Variants in UST observed in about 807,000 individuals in gnomAD.
UST encodes the protein chondroitin sulfate 2-O-sulfotransferase.
Under a neutral mutation model 45.6 loss-of-function variants are expected in UST, and 21 were observed. The ratio of observed to expected loss-of-function variants is 0.46; its 90% CI spans 0.33 to 0.66. The LOEUF is 0.66. UST is among the 30% of genes least tolerant of loss of function. The pLI is 0.02. For synonymous variants in UST, 215 were observed against 200.6 expected, an observed-to-expected ratio of 1.07 and a Z score of -0.61; for missense variants, 463 against 512.4, an observed-to-expected ratio of 0.90 and a Z score of 0.93.
At chr6:148,753,884 T>C (rs895992363) in intron 1 of UST, among the ~76,000 whole-genome samples, 3 of 152,194 alleles carry the variant, frequency 2.0e-5, no homozygotes, top group African/African-American at 7.2e-5. Flanking sequence ...GGGTATGAAG[T>C]GGTATATTCA....
intron 1 of UST, among the ~76,000 whole-genome samples, chr6:148,856,261 C>A (rs1199787605): frequency 6.6e-6 from 1 of 152,112 alleles, no homozygotes; most frequent in East Asian, 1.9e-4. Context: ...CGTGATCCAC[C>A]TGCCTCGGCC....
At chr6:149,021,889 G>C (rs1775987142) in intron 7 of UST, among the ~76,000 whole-genome samples, 2 of 152,230 alleles carry the variant, frequency 1.3e-5, no homozygotes, top group Admixed American at 1.3e-4. Context: ...ACATGCGTGA[G>C]TATGAAAGAG....
chr6:148,854,347 A>G (rs1778162232), intron 1 of UST, among the ~76,000 whole-genome samples: 1 of 152,192 alleles, frequency 6.6e-6, no homozygotes, highest in African/African-American at 2.4e-5. Context: ...TGCCCAATCT[A>G]TTTCAAGATG....
chr6:148,965,876 CTTT>C (rs56202168), intron 5 of UST, among the ~76,000 whole-genome samples: 3,076 of 126,244 alleles, frequency 0.024, 47 homozygotes, highest in African/African-American at 0.086. Context: ...TGGCTTTTCC[CTTT>C]TTTTTTTTTT....
chr6:148,776,019 A>AT, intron 1 of UST, among the ~76,000 whole-genome samples: 1 of 152,180 alleles, frequency 6.6e-6, no homozygotes, highest in South Asian at 2.1e-4. Flanking sequence ...ACTTGGAGGA[A>AT]TTATGAGCTG....
At chr6:148,947,903 C>T (rs1194390182) in intron 3 of UST, among the ~76,000 whole-genome samples, 13 of 146,626 alleles carry the variant, frequency 8.9e-5, no homozygotes, top group Admixed American at 4.2e-4. Context: ...AAACTGAGTC[C>T]GCTAATAGAA....
intron 1 of UST, among the ~76,000 whole-genome samples, chr6:148,875,252 G>A (rs1485543549): frequency 6.6e-6 from 1 of 152,168 alleles, no homozygotes; most frequent in Non-Finnish European, 1.5e-5. Flanking sequence ...AAATAGATCT[G>A]CTAATGCAAG....
chr6:149,043,281 GT>G (rs1776354157), intron 7 of UST, among the ~76,000 whole-genome samples: 1 of 150,678 alleles, frequency 6.6e-6, no homozygotes, highest in Admixed American at 6.6e-5. Context: ...CACTTATTTT[GT>G]TTATTTTTTA....
chr6:148,756,926 G>C (rs953297006), intron 1 of UST, among the ~76,000 whole-genome samples: 1 of 152,238 alleles, frequency 6.6e-6, no homozygotes, highest in Non-Finnish European at 1.5e-5. Flanking sequence ...CTCTAGCTCA[G>C]TTGATGCCTT....
chr6:148,843,616 GAAGT>G (rs1238423175), intron 1 of UST, among the ~76,000 whole-genome samples: 1 of 152,208 alleles, frequency 6.6e-6, no homozygotes, highest in Non-Finnish European at 1.5e-5. Context: ...TCTAAGAGGT[GAAGT>G]AATTTGCAGA....
intron 1 of UST, among the ~76,000 whole-genome samples, chr6:148,800,155 A>G (rs1777029800): frequency 6.6e-6 from 1 of 152,196 alleles, no homozygotes; most frequent in Non-Finnish European, 1.5e-5. Context: ...CATCAGAAAA[A>G]CATGGATAAG....
chr6:148,878,319 CGGGGATCGTGTATGAGTGGG>C (rs1778746171), intron 1 of UST, among the ~76,000 whole-genome samples: 2 of 15,104 alleles, frequency 1.3e-4, no homozygotes, highest in African/African-American at 6.2e-4. Flanking sequence ...TGTATGAGTG[CGGGGATCGTGTATGAGTGGG>C]GGGGATCGTG....
intron 1 of UST, among the ~76,000 whole-genome samples, chr6:148,844,517 G>C (rs1777948093): frequency 6.6e-6 from 1 of 152,188 alleles, no homozygotes; most frequent in South Asian, 2.1e-4. Context: ...TCAAGATGTA[G>C]AACATGTCCA....
At chr6:148,786,116 G>A (rs1463369809) in intron 1 of UST, among the ~76,000 whole-genome samples, 4 of 151,160 alleles carry the variant, frequency 2.6e-5, no homozygotes, top group African/African-American at 9.7e-5. Flanking sequence ...CTAACAGGAT[G>A]TATATGATTC....
At chr6:149,073,216 G>A in intron 7 of UST, among the ~76,000 whole-genome samples, 1 of 152,210 alleles carries the variant, frequency 6.6e-6, no homozygotes, top group Non-Finnish European at 1.5e-5. Flanking sequence ...TGCCAAGGCA[G>A]AAGGATCTCT....
At chr6:148,766,566 A>C (rs1776328138) in intron 1 of UST, among the ~76,000 whole-genome samples, 1 of 152,208 alleles carries the variant, frequency 6.6e-6, no homozygotes, top group Non-Finnish European at 1.5e-5. Context: ...GAAGGACTTA[A>C]GATCCCGTAT....
chr6:148,932,604 G>C (rs1481705777), intron 2 of UST, among the ~76,000 whole-genome samples: 2 of 152,178 alleles, frequency 1.3e-5, no homozygotes, highest in Non-Finnish European at 2.9e-5. Flanking sequence ...AGTGTCACCT[G>C]AAATTTGAGT....
chr6:149,045,359 T>C (rs1776382532), intron 7 of UST, among the ~76,000 whole-genome samples: 1 of 152,156 alleles, frequency 6.6e-6, no homozygotes, highest in African/African-American at 2.4e-5. Flanking sequence ...TACATAGAAA[T>C]AAGGAAAAGG....
At chr6:148,913,185 C>T (rs958406880) in intron 2 of UST, among the ~76,000 whole-genome samples, 3 of 152,162 alleles carry the variant, frequency 2.0e-5, no homozygotes, top group African/African-American at 4.8e-5. Flanking sequence ...AATTGCCCAA[C>T]TGGAAACTAA....
Sources: gnomAD v4.1 joint callset for allele counts (sites outside exome capture counted in the v4.1 genomes callset) on GRCh38, gnomAD v4.1.1 for gene constraint, MANE v1.5 for transcripts, NCBI Gene and HGNC (gene_info 2026-07-23, HGNC 2026-07-21) for gene names.